Variants in QTMAN observed in about 807,000 individuals in gnomAD.
The protein encoded by QTMAN is queuosine-tRNA mannosyltransferase.
chr2:144,169,529 TTC>T, the QTMAN span, among the ~76,000 whole-genome samples: 1 of 152,144 alleles, frequency 6.6e-6, no homozygotes, highest in Non-Finnish European at 1.5e-5. Context: ...ATGGATTTAA[TTC>T]TTTTTTATTA....
At chr2:144,047,391 C>T in the QTMAN span, among the ~76,000 whole-genome samples, 6 of 152,146 alleles carry the variant, frequency 3.9e-5, no homozygotes, top group African/African-American at 9.7e-5. Flanking sequence ...ACTCAAAACA[C>T]AACATGAAAG....
chr2:143,974,054 C>CA, the QTMAN span, among the ~76,000 whole-genome samples: 1 of 152,144 alleles, frequency 6.6e-6, no homozygotes, highest in Admixed American at 6.5e-5. Context: ...GTGAAACTCT[C>CA]ATACATATGA....
At chr2:144,033,407 C>T in the QTMAN span, among the ~76,000 whole-genome samples, 1 of 152,150 alleles carries the variant, frequency 6.6e-6, no homozygotes, top group Non-Finnish European at 1.5e-5. Flanking sequence ...TAAAAGGATA[C>T]ATCTCAGGAA....
At chr2:144,004,063 A>G in the QTMAN span, among the ~76,000 whole-genome samples, 1 of 152,028 alleles carries the variant, frequency 6.6e-6, no homozygotes, top group Non-Finnish European at 1.5e-5. Context: ...TTACATGGAA[A>G]CAATCATCAA....
At chr2:144,187,018 C>T in the QTMAN span, among the ~76,000 whole-genome samples, 2 of 152,062 alleles carry the variant, frequency 1.3e-5, no homozygotes, top group Non-Finnish European at 2.9e-5. Flanking sequence ...GATGCTTAAT[C>T]TTAATAAGAA....
the QTMAN span, among the ~76,000 whole-genome samples, chr2:144,282,620 A>C: frequency 6.6e-5 from 10 of 152,108 alleles, no homozygotes; most frequent in Admixed American, 5.9e-4. Flanking sequence ...AAACAGTTAA[A>C]AACTGAACTA....
the QTMAN span, among the ~76,000 whole-genome samples, chr2:144,246,359 G>A: frequency 6.6e-6 from 1 of 150,898 alleles, no homozygotes; most frequent in Non-Finnish European, 1.5e-5. Flanking sequence ...GGATCATGAG[G>A]TCAGGAGATC....
the QTMAN span, among the ~76,000 whole-genome samples, chr2:143,958,256 G>A: frequency 6.6e-6 from 1 of 151,930 alleles, no homozygotes; most frequent in East Asian, 1.9e-4. Flanking sequence ...TATCAACGGG[G>A]ATTTATTTTT....
the QTMAN span, among the ~76,000 whole-genome samples, chr2:144,133,155 T>TATAAAA: frequency 4.7e-5 from 2 of 42,382 alleles, no homozygotes; most frequent in African/African-American, 2.9e-4. Flanking sequence ...ATATATAATA[T>TATAAAA]AATATAATAT....
chr2:144,134,817 T>C, the QTMAN span, among the ~76,000 whole-genome samples: 3 of 152,076 alleles, frequency 2.0e-5, no homozygotes, highest in African/African-American at 7.2e-5. Context: ...ATTCATCTCC[T>C]CATTAAAAAA....
At chr2:144,172,323 T>C in the QTMAN span, among the ~76,000 whole-genome samples, 2 of 152,024 alleles carry the variant, frequency 1.3e-5, no homozygotes, top group African/African-American at 4.8e-5. Context: ...ACTATCTGGA[T>C]AAAAGATTTC....
chr2:144,057,426 A>G, the QTMAN span, among the ~76,000 whole-genome samples: 1 of 152,198 alleles, frequency 6.6e-6, no homozygotes, highest in Non-Finnish European at 1.5e-5. Flanking sequence ...GAAGACATGC[A>G]ATTCTTGCCT....
chr2:143,986,927 G>A, the QTMAN span, among the ~76,000 whole-genome samples: 1 of 152,164 alleles, frequency 6.6e-6, no homozygotes, highest in Non-Finnish European at 1.5e-5. Context: ...GGTAAGAATT[G>A]TGTGAAATAT....
the QTMAN span, among the ~76,000 whole-genome samples, chr2:144,167,529 G>A: frequency 2.0e-5 from 3 of 152,054 alleles, no homozygotes; most frequent in Admixed American, 6.6e-5. Context: ...ATTGAATCAC[G>A]GGGATGGTTT....
chr2:144,138,438 G>A, the QTMAN span, among the ~76,000 whole-genome samples: 6 of 152,110 alleles, frequency 3.9e-5, no homozygotes, highest in South Asian at 2.1e-4. Context: ...ATTTTAAGAT[G>A]TAAGAAATAA....
the QTMAN span, among the ~76,000 whole-genome samples, chr2:143,981,448 T>C: frequency 1.3e-5 from 2 of 152,182 alleles, no homozygotes; most frequent in African/African-American, 2.4e-5. Flanking sequence ...GTTGTGGACA[T>C]TTTGTCATGT....
chr2:143,975,211 T>C, the QTMAN span, among the ~76,000 whole-genome samples: 2 of 152,374 alleles, frequency 1.3e-5, no homozygotes, highest in East Asian at 3.9e-4. Context: ...CTTTCCAGTT[T>C]AGTTTCTTAG....
the QTMAN span, among the ~76,000 whole-genome samples, chr2:144,162,718 C>T: frequency 1.3e-5 from 2 of 152,252 alleles, no homozygotes; most frequent in East Asian, 1.9e-4. Flanking sequence ...GCTGGAAGAA[C>T]GTAGGAGCCC....
At chr2:144,208,914 G>A in the QTMAN span, 1 of 602,722 alleles carries the variant, frequency 1.7e-6, no homozygotes, top group South Asian at 3.0e-5. Flanking sequence ...ATTTAGCAAT[G>A]TGTTATTTTT....
Sources: allele counts gnomAD v4.1 joint callset (sites outside exome capture counted in the v4.1 genomes callset), GRCh38; gene constraint gnomAD v4.1.1; transcripts MANE v1.5; gene names NCBI Gene and HGNC (gene_info 2026-07-23, HGNC 2026-07-21).